ITIH5: variants seen among roughly 807,000 people sequenced by gnomAD.
ITIH5 encodes inter-alpha-trypsin inhibitor heavy chain H5.
ITIH5 carries 65 observed loss-of-function variants against 77.5 expected under a neutral mutation model. The ratio of observed to expected loss-of-function variants is 0.84; its 90% CI spans 0.69 to 1.03. The LOEUF is 1.03. Ranked by LOEUF, ITIH5 falls within the 50% of genes least tolerant of loss-of-function variation. ITIH5 has a pLI of 0.00. For missense variants in ITIH5, 1,208 were observed against 1,213.1 expected (o/e 1.00, Z 0.06); for synonymous variants, 525 against 494.3 (o/e 1.06, Z -0.82).
At chr10:7,582,852 G>A (rs982453551) in intron 8 of ITIH5, among the ~76,000 whole-genome samples, 3 of 152,140 alleles carry the variant, frequency 2.0e-5, no homozygotes, top group African/African-American at 7.2e-5. Context: ...AGGGTAGTGG[G>A]GGGTGGGGCA....
rs1342883580 is a variant in ITIH5 at position 7,611,196 on chromosome 10, T to G, written c.939+4786A>C. Among the ~76,000 whole-genome samples, 4 of 152,270 alleles carry G rather than the reference T, an allele frequency of 2.6e-5. No homozygotes were observed. In the East Asian group the frequency reaches 7.7e-4, roughly 29 times the overall value. ...TGCCACCACCATTTATTAGCCAACTTATCTACCTTTGCAAAGCCTCAGTTT... is the reference window on the plus strand; with the variant it reads ...TGCCACCACCATTTATTAGCCAACTGATCTACCTTTGCAAAGCCTCAGTTT... On this transcript the variant is annotated intron_variant, in intron 7 of 13. Coordinates refer to ENST00000397146, the MANE Select transcript of ITIH5 (RefSeq NM_030569.7).
Position 7,584,334 on chromosome 10 carries a change from C to A in ITIH5, c.1108+1567G>T, listed in dbSNP as rs191419949. Among the ~76,000 whole-genome samples the A allele has an allele frequency of 3.8e-3, 542 of 143,102 alleles. 4 individuals carry two copies. The highest frequency in any genetic ancestry group is 0.014 in the African/African-American group (524 of 38,608). 93.9% of individuals were successfully genotyped at this position (143,102 alleles called of 152,430 possible). On this transcript the variant is annotated intron_variant, in intron 8 of 13. Transcript: ENST00000397146. The stretch of plus-strand genomic sequence containing the variant: ...TCTTTTTTTTTTTTTGAGACAGAGT[C>A]TCGCTGTCACCCAGGCTGGAGTGCA...
chr10:7,588,822 A>C (rs1268112484), intron 7 of ITIH5, among the ~76,000 whole-genome samples: 1 of 152,216 alleles, frequency 6.6e-6, no homozygotes, highest in Admixed American at 6.5e-5. Flanking sequence ...GATTAATTCT[A>C]AATCTTACGA....
chr10:7,610,069 C>CTTTTTTTTTTTTTTTTTTT (rs5782989), intron 7 of ITIH5, among the ~76,000 whole-genome samples: 2 of 86,728 alleles, frequency 2.3e-5, no homozygotes, highest in Admixed American at 1.4e-4. Flanking sequence ...TTTCTTTTTT[C>CTTTTTTTTTTTTTTTTTTT]TTTTTTTTTT....
chr10:7,637,032 A>G (rs1833809074), intron 5 of ITIH5, among the ~76,000 whole-genome samples, 196 bp downstream of exon 5: 1 of 152,170 alleles, frequency 6.6e-6, no homozygotes, highest in South Asian at 2.1e-4. Flanking sequence ...GCCTGGCGAC[A>G]GAGGACTTCG....
At chr10:7,577,280 G>A (rs10905188) in intron 9 of ITIH5, among the ~76,000 whole-genome samples, 44,815 of 152,090 alleles carry the variant, frequency 0.29, 7,584 homozygotes, top group East Asian at 0.61. Context: ...GCTTATAGTA[G>A]ATTAAAATCT....
chr10:7,601,507 T>C (rs1312597521), intron 7 of ITIH5, among the ~76,000 whole-genome samples: 1 of 152,184 alleles, frequency 6.6e-6, no homozygotes, highest in East Asian at 1.9e-4. Flanking sequence ...TCTCTCTCAA[T>C]GACACAAGTC....
At chr10:7,644,109 A>G (rs577787161) in intron 2 of ITIH5, among the ~76,000 whole-genome samples, 3 of 152,198 alleles carry the variant, frequency 2.0e-5, no homozygotes, top group African/African-American at 7.2e-5. Context: ...GTGGTGGTGC[A>G]TGACTGTAGT....
chr10:7,579,095 T>C (rs557972067), intron 9 of ITIH5, among the ~76,000 whole-genome samples: 47 of 152,258 alleles, frequency 3.1e-4, no homozygotes, highest in Non-Finnish European at 5.7e-4. Context: ...TGAGAGCTCA[T>C]TAAATACTTA....
intron 7 of ITIH5, among the ~76,000 whole-genome samples, chr10:7,610,726 T>G (rs1833227881): frequency 6.6e-6 from 1 of 152,214 alleles, no homozygotes; most frequent in African/African-American, 2.4e-5. Context: ...GCCTTGGAGA[T>G]GCTGAGAACT....
chr10:7,666,896 G>A lies in ITIH5; in HGVS notation c.-4C>T. 1 of 1,587,606 alleles carries A rather than the reference G, an allele frequency of 6.3e-7. No homozygotes were observed. The highest frequency in any genetic ancestry group is 1.1e-5 in the South Asian group (1 of 88,118). Reference sequence around the variant, plus strand: ...ACAGCCCCAGCAGCAGGAGCATGGCGGGGCGAGGGCGCGGGACGCTCGGGG... The same window carrying A: ...ACAGCCCCAGCAGCAGGAGCATGGCAGGGCGAGGGCGCGGGACGCTCGGGG... On this transcript the variant is annotated 5_prime_UTR_variant, in exon 1 of 14. Coordinates refer to ENST00000397146, the MANE Select transcript of ITIH5 (RefSeq NM_030569.7).
At chr10:7,661,838 C>T (rs1432057187) in intron 1 of ITIH5, among the ~76,000 whole-genome samples, 2 of 151,916 alleles carry the variant, frequency 1.3e-5, no homozygotes, top group Non-Finnish European at 2.9e-5. Flanking sequence ...GTACCTGGGA[C>T]TACAGGTGCA....
intron 8 of ITIH5, among the ~76,000 whole-genome samples, chr10:7,584,906 G>A (rs1827582366): frequency 6.6e-6 from 1 of 152,122 alleles, no homozygotes; most frequent in African/African-American, 2.4e-5. Flanking sequence ...TACTGTTTGG[G>A]AGGCTAGTAG....
intron 2 of ITIH5, among the ~76,000 whole-genome samples, chr10:7,647,922 C>G (rs984910105): frequency 2.6e-5 from 4 of 152,038 alleles, no homozygotes; most frequent in Non-Finnish European, 5.9e-5. Flanking sequence ...CATCCAAAGC[C>G]TCGATTTCCA....
intron 10 of ITIH5, 38 bp downstream of exon 10, chr10:7,576,415 C>T (rs1487880410): frequency 4.1e-6 from 6 of 1,474,540 alleles, no homozygotes; most frequent in East Asian, 2.4e-5. Context: ...ATCTCAGGCC[C>T]GCGTCCCCCA....
Position 7,562,930 on chromosome 10 carries a change from A to C in ITIH5, c.*153T>G. 6.7e-6 allele frequency: 3 copies of C among 449,138 alleles called. No individual in the cohort carries two copies. Among genetic ancestry groups the C allele is most frequent in the Non-Finnish European group, 8.8e-6 (2 of 227,486 alleles). The allele number at this position is 449,138 out of a possible 1,614,324, so 27.8% of individuals were successfully genotyped here. A position where few individuals can be genotyped will look rare whatever the true frequency, so the allele number is the denominator to read the frequency against. ...CCCTACCCACCCCTACCCTTCGCCC[A>C]GACAGACGTCGGATCTATGCTGCAC... On this transcript the variant is annotated 3_prime_UTR_variant, in exon 14 of 14. Transcript: ENST00000397146.
chr10:7,592,885 G>A (rs1350959147), intron 7 of ITIH5, among the ~76,000 whole-genome samples: 1 of 152,028 alleles, frequency 6.6e-6, no homozygotes, highest in Admixed American at 6.5e-5. Flanking sequence ...TGGCGGTGGT[G>A]GGGCAGTGCT....
Position 7,613,434 on chromosome 10 carries a change from T to C in ITIH5, c.939+2548A>G, listed in dbSNP as rs940027867. 5.0e-5 allele frequency among the ~76,000 whole-genome samples: 5 copies of C among 99,508 alleles called. No homozygotes were observed. In the South Asian group the frequency reaches 1.0e-3, roughly 21 times the overall value. 65.3% of individuals were successfully genotyped at this position (99,508 alleles called of 152,430 possible). A position where few individuals can be genotyped will look rare whatever the true frequency, so the allele number is the denominator to read the frequency against. ...AACTTTGGGAAACCTACAAGTAACT[T>C]GAGCCCTAAGGGACTCCAAAGTTTG... On this transcript the variant is annotated intron_variant, in intron 7 of 13. Transcript: ENST00000397146.
chr10:7,596,782 C>T (rs1832906847), intron 7 of ITIH5, among the ~76,000 whole-genome samples: 1 of 151,998 alleles, frequency 6.6e-6, no homozygotes, highest in Admixed American at 6.5e-5. Flanking sequence ...TGGCTCATGC[C>T]TGTAATCTTT....
Sources: allele counts gnomAD v4.1 joint callset (sites outside exome capture counted in the v4.1 genomes callset), GRCh38; gene constraint gnomAD v4.1.1; transcripts MANE v1.5; gene names NCBI Gene and HGNC (gene_info 2026-07-23, HGNC 2026-07-21).